The following AIM2 variants were observed in gnomAD, a reference collection of about 807,000 sequenced individuals.
AIM2 encodes the protein interferon-inducible protein AIM2.
In AIM2, 30 loss-of-function variants were observed where a neutral mutation model predicts 27.7. That is an observed-to-expected ratio of 1.08 (90% confidence interval 0.81 to 1.47). The LOEUF (loss-of-function observed/expected upper bound fraction) is 1.47, where lower values mean the gene tolerates loss of function less well. AIM2 is among the 40% of genes most tolerant of loss of function. The pLI is 0.00. For synonymous variants in AIM2, 141 were observed against 145.3 expected (o/e 0.97, Z 0.21); for missense variants, 358 against 411.3 (o/e 0.87, Z 1.12).
upstream of AIM2, chr1:159,081,662 A>T (rs1011146393): frequency 3.5e-6 from 1 of 286,756 alleles, no homozygotes. Context: ...TGCAGTTAAA[A>T]TCCCTGGCAT....
intron 1 of AIM2, among the ~76,000 whole-genome samples, chr1:159,111,140 C>A (rs1657564492): frequency 6.6e-6 from 1 of 152,092 alleles, no homozygotes; most frequent in South Asian, 2.1e-4. Flanking sequence ...ACAAAAACAA[C>A]CACAGCAAGA....
chr1:159,058,517 C>T (rs141496819), downstream of AIM2, among the ~76,000 whole-genome samples: 53 of 151,960 alleles, frequency 3.5e-4, no homozygotes, highest in African/African-American at 1.1e-3. Context: ...CACTGCTCAC[C>T]GGTTCATCTG....
At chr1:159,080,393 G>C (rs188985437), upstream of AIM2, among the ~76,000 whole-genome samples, 265 of 152,252 alleles carry the variant, frequency 1.7e-3, 1 homozygote, top group Middle Eastern at 6.8e-3. Flanking sequence ...TTCATATCTT[G>C]TCCATAGATT....
intron 1 of AIM2, among the ~76,000 whole-genome samples, chr1:159,136,522 A>C (rs767958489): frequency 1.2e-4 from 18 of 152,198 alleles, no homozygotes; most frequent in Non-Finnish European, 2.4e-4. Flanking sequence ...TGCTTCTACT[A>C]TGCTCATGGT....
intron 1 of AIM2, among the ~76,000 whole-genome samples, chr1:159,114,453 G>A (rs952050854): frequency 3.3e-5 from 5 of 152,150 alleles, no homozygotes; most frequent in Non-Finnish European, 5.9e-5. Context: ...GGGCATGGTG[G>A]CTCATGCTTG....
intron 1 of AIM2, among the ~76,000 whole-genome samples, chr1:159,131,751 A>G (rs376680333): frequency 6.6e-6 from 1 of 150,998 alleles, no homozygotes; most frequent in South Asian, 2.1e-4. Context: ...ATACTGCTCA[A>G]TCTACACAGT....
chr1:159,110,296 A>C (rs2102027661), intron 1 of AIM2, among the ~76,000 whole-genome samples: 1 of 152,180 alleles, frequency 6.6e-6, no homozygotes, highest in East Asian at 1.9e-4. Context: ...CTAAGTGAAG[A>C]CCAAGACCAT....
chr1:159,129,096 T>C (rs1351510531), intron 1 of AIM2, among the ~76,000 whole-genome samples: 2 of 152,098 alleles, frequency 1.3e-5, no homozygotes, highest in Non-Finnish European at 2.9e-5. Context: ...TCATTGTAGA[T>C]TTAGGGCGGG....
At chr1:159,131,223 A>T (rs2102050040) in intron 1 of AIM2, among the ~76,000 whole-genome samples, 1 of 152,326 alleles carries the variant, frequency 6.6e-6, no homozygotes, top group South Asian at 2.1e-4. Flanking sequence ...CCGGACCCAC[A>T]GCAGGCACTT....
chr1:159,095,842 A>G lies in AIM2; in HGVS notation c.-15-29513T>C, dbSNP rs551300617. Reference sequence around the variant, plus strand: ...AGGAGAGCCTCAAAATTTCAATTCAATGCTTTATACTGGTGACTATGGATG... The same window carrying G: ...AGGAGAGCCTCAAAATTTCAATTCAGTGCTTTATACTGGTGACTATGGATG... On this transcript the variant is annotated intron_variant, in intron 1 of 2. Coordinates refer to the AIM2 transcript ENST00000368129. Among the ~76,000 whole-genome samples the G allele has an allele frequency of 4.6e-5, 7 of 152,290 alleles. No individual in the cohort carries two copies. The East Asian group carries it at 1.2e-3, about 25-fold the overall frequency.
chr1:159,108,436 A>G (rs1480922058), intron 1 of AIM2, among the ~76,000 whole-genome samples: 1 of 152,212 alleles, frequency 6.6e-6, no homozygotes, highest in Non-Finnish European at 1.5e-5. Context: ...AGCCAACACA[A>G]TACTGAATGG....
chr1:159,093,901 A>ATTT (rs71084302), intron 1 of AIM2, among the ~76,000 whole-genome samples: 1 of 143,084 alleles, frequency 7.0e-6, no homozygotes, highest in Non-Finnish European at 1.5e-5. Flanking sequence ...ATGCCTGGAT[A>ATTT]TTTTTTTTTT....
At chr1:159,091,430 T>A (rs1355391474) in intron 1 of AIM2, among the ~76,000 whole-genome samples, 1 of 152,174 alleles carries the variant, frequency 6.6e-6, no homozygotes, top group Non-Finnish European at 1.5e-5. Context: ...CTAGGCTGGG[T>A]CCCTTTTGAC....
chr1:159,141,776 G>A (rs191916466), upstream of AIM2, among the ~76,000 whole-genome samples: 3 of 148,768 alleles, frequency 2.0e-5, no homozygotes, highest in Non-Finnish European at 3.0e-5. Flanking sequence ...TCTGAGCGGT[G>A]GGGGGGGACA....
chr1:159,133,674 C>G (rs1246697926), intron 1 of AIM2, among the ~76,000 whole-genome samples: 1 of 152,162 alleles, frequency 6.6e-6, no homozygotes. Context: ...GCATAGGATA[C>G]TCAAACAAGT....
chr1:159,093,192 A>G (rs1657087790), intron 1 of AIM2, among the ~76,000 whole-genome samples: 1 of 152,138 alleles, frequency 6.6e-6, no homozygotes, highest in Admixed American at 6.5e-5. Context: ...ACGCAACTTC[A>G]TGACACTAAT....
upstream of AIM2, among the ~76,000 whole-genome samples, chr1:159,079,946 C>T (rs1224230055): frequency 6.6e-6 from 1 of 152,112 alleles, no homozygotes; most frequent in Non-Finnish European, 1.5e-5. Flanking sequence ...AGTATATAGC[C>T]TTTTCAGATT....
intron 3 of AIM2, among the ~76,000 whole-genome samples, chr1:159,067,581 T>A (rs947491516): frequency 6.6e-6 from 1 of 152,160 alleles, no homozygotes; most frequent in Admixed American, 6.5e-5. Context: ...ACTACAGAAG[T>A]CCTTCTCTTT....
chr1:159,130,173 T>C (rs924387187), intron 1 of AIM2, among the ~76,000 whole-genome samples: 1 of 152,222 alleles, frequency 6.6e-6, no homozygotes, highest in Non-Finnish European at 1.5e-5. Context: ...GCCAGTCTCA[T>C]TTGCTCGCTT....
Sources: gnomAD v4.1 joint callset for allele counts (sites outside exome capture counted in the v4.1 genomes callset) on GRCh38, gnomAD v4.1.1 for gene constraint, MANE v1.5 for transcripts, NCBI Gene and HGNC (gene_info 2026-07-23, HGNC 2026-07-21) for gene names.